Variants in CTNND2 observed in about 807,000 individuals in gnomAD.
The protein encoded by CTNND2 is catenin delta 2, also known as catenin delta-2.
Under a neutral mutation model 144.4 loss-of-function variants are expected in CTNND2, and 22 were observed. That is an observed-to-expected ratio of 0.15 (90% CI 0.11 to 0.22). CTNND2 has a LOEUF of 0.22. Ranked by LOEUF, CTNND2 falls within the 10% of genes least tolerant of loss-of-function variation. CTNND2 has a pLI of 1.00. For missense variants in CTNND2, 1,353 were observed against 1,618.8 expected, an observed-to-expected ratio of 0.84 and a Z score of 2.82; for synonymous variants, 751 against 695.6, an observed-to-expected ratio of 1.08 and a Z score of -1.25.
intron 5 of CTNND2, among the ~76,000 whole-genome samples, chr5:11,410,273 G>A (rs931710850): frequency 6.6e-6 from 1 of 152,130 alleles, no homozygotes; most frequent in Admixed American, 6.6e-5. Context: ...ATTGTATTGA[G>A]AGGATGCATA....
chr5:11,605,511 C>A (rs1330356318), intron 2 of CTNND2, among the ~76,000 whole-genome samples: 1 of 152,106 alleles, frequency 6.6e-6, no homozygotes, highest in Non-Finnish European at 1.5e-5. Context: ...GGATTTTATT[C>A]TAAGTACTAA....
rs757057342 is a variant in CTNND2 at position 11,104,005 on chromosome 5, C to T, written c.2464-5257G>A. Among the ~76,000 whole-genome samples, 69 of 152,316 alleles carry T rather than the reference C, an allele frequency of 4.5e-4. 1 individual carries two copies. Among genetic ancestry groups the T allele is most frequent in the Admixed American group, 1.1e-3 (17 of 15,306 alleles). ...CTAAAATACACAGCTCCTCTTTCCA[C>T]CTGTCACAGGCTTCATACAGTCTCC... On this transcript the variant is annotated intron_variant, in intron 14 of 21. Coordinates refer to ENST00000304623, the MANE Select transcript of CTNND2 (RefSeq NM_001332.4).
At chr5:11,210,874 T>C (rs1738557422) in intron 10 of CTNND2, among the ~76,000 whole-genome samples, 1 of 152,166 alleles carries the variant, frequency 6.6e-6, no homozygotes, top group Non-Finnish European at 1.5e-5. Context: ...AGATGGGCCA[T>C]GGTCCCTGCT....
At chr5:11,324,230 G>A (rs924300522) in intron 9 of CTNND2, among the ~76,000 whole-genome samples, 3 of 152,126 alleles carry the variant, frequency 2.0e-5, no homozygotes, top group Admixed American at 6.6e-5. Flanking sequence ...CTTTTCTCAT[G>A]TTTATATGCC....
intron 3 of CTNND2, among the ~76,000 whole-genome samples, chr5:11,522,054 A>G (rs1772773811): frequency 6.6e-6 from 1 of 152,214 alleles, no homozygotes; most frequent in Non-Finnish European, 1.5e-5. Flanking sequence ...AATCAAGCAG[A>G]CACAGTGCAT....
At chr5:11,272,366 T>C (rs1181393647) in intron 9 of CTNND2, among the ~76,000 whole-genome samples, 1 of 152,190 alleles carries the variant, frequency 6.6e-6, no homozygotes, top group African/African-American at 2.4e-5. Context: ...TGTCAGAGTC[T>C]AGGAAATTTT....
chr5:11,076,737 C>T (rs1748989167), intron 16 of CTNND2, among the ~76,000 whole-genome samples: 1 of 152,170 alleles, frequency 6.6e-6, no homozygotes, highest in South Asian at 2.1e-4. Context: ...CTCATTAGAC[C>T]TCATGGGATA....
chr5:11,110,310 C>T (rs1180561717), intron 14 of CTNND2, among the ~76,000 whole-genome samples: 1 of 152,212 alleles, frequency 6.6e-6, no homozygotes, highest in Admixed American at 6.5e-5. Flanking sequence ...CTGAATTCAC[C>T]TGAATTGTTC....
At chr5:11,016,096 A>G (rs929342512) in intron 18 of CTNND2, among the ~76,000 whole-genome samples, 10 of 152,250 alleles carry the variant, frequency 6.6e-5, no homozygotes, top group African/African-American at 2.4e-4. Flanking sequence ...TAAAAAATAC[A>G]GTATTTGCGA....
intron 2 of CTNND2, among the ~76,000 whole-genome samples, chr5:11,570,719 C>T (rs1014465990): frequency 5.9e-5 from 9 of 151,764 alleles, no homozygotes; most frequent in African/African-American, 1.2e-4. Context: ...CTTGATATAC[C>T]TCTATTTTTA....
At chr5:11,336,660 A>AT (rs1480026034) in intron 9 of CTNND2, among the ~76,000 whole-genome samples, 1 of 152,230 alleles carries the variant, frequency 6.6e-6, no homozygotes, top group Non-Finnish European at 1.5e-5. Flanking sequence ...GTATATATAA[A>AT]TACATGTGTT....
chr5:11,085,433 C>T (rs6866805), intron 15 of CTNND2, among the ~76,000 whole-genome samples: 28,773 of 152,108 alleles, frequency 0.19, 3,297 homozygotes, highest in Middle Eastern at 0.3. Flanking sequence ...TTTAGTAGGT[C>T]CAATACAAGA....
At chr5:11,849,258 A>C (rs1364365407) in intron 1 of CTNND2, among the ~76,000 whole-genome samples, 1 of 152,148 alleles carries the variant, frequency 6.6e-6, no homozygotes, top group Non-Finnish European at 1.5e-5. Context: ...CCATGAGAAC[A>C]GTATAGGGGA....
At chr5:11,438,904 C>A (rs1764009043) in intron 3 of CTNND2, among the ~76,000 whole-genome samples, 1 of 152,032 alleles carries the variant, frequency 6.6e-6, no homozygotes. Context: ...TCCCTTTCGC[C>A]AGGGCAAGTC....
At chr5:11,034,160 T>A (rs77371737) in intron 16 of CTNND2, among the ~76,000 whole-genome samples, 6,910 of 152,280 alleles carry the variant, frequency 0.045, 221 homozygotes, top group African/African-American at 0.077. Context: ...TTTCCCCTGG[T>A]TTTATCATTT....
chr5:11,472,778 A>G (rs1767350693), intron 3 of CTNND2, among the ~76,000 whole-genome samples: 1 of 152,246 alleles, frequency 6.6e-6, no homozygotes, highest in Non-Finnish European at 1.5e-5. Context: ...GATGTATAAT[A>G]TGACGGTGTT....
At chr5:11,683,208 A>G (rs1247264679) in intron 2 of CTNND2, among the ~76,000 whole-genome samples, 1 of 152,210 alleles carries the variant, frequency 6.6e-6, no homozygotes, top group East Asian at 1.9e-4. Flanking sequence ...GACTCAAGAC[A>G]TTTAAATATT....
intron 3 of CTNND2, among the ~76,000 whole-genome samples, chr5:11,474,120 C>T (rs1767492738): frequency 6.6e-6 from 1 of 152,172 alleles, no homozygotes; most frequent in Admixed American, 6.5e-5. Flanking sequence ...TGGAGAAAAA[C>T]CTTCAACCCT....
intron 1 of CTNND2, among the ~76,000 whole-genome samples, chr5:11,779,496 G>T (rs1306643565): frequency 6.6e-6 from 1 of 152,182 alleles, no homozygotes; most frequent in African/African-American, 2.4e-5. Context: ...GAGAGAGGGT[G>T]CCCAGCAAGG....
Sources: gnomAD v4.1 joint callset for allele counts (sites outside exome capture counted in the v4.1 genomes callset) on GRCh38, gnomAD v4.1.1 for gene constraint, MANE v1.5 for transcripts, NCBI Gene and HGNC (gene_info 2026-07-23, HGNC 2026-07-21) for gene names.